Variants in CEP128 observed in about 807,000 individuals in gnomAD.
The protein encoded by CEP128 is centrosomal protein 128kDa.
In CEP128, 132 loss-of-function variants were observed where a neutral mutation model predicts 156.7. The observed-to-expected ratio is 0.84, with a 90% confidence interval of 0.73 to 0.97. The LOEUF is 0.97. Among genes scored for constraint, CEP128 ranks in the 50% least tolerant of loss-of-function variants. The pLI, the probability that CEP128 is intolerant of heterozygous loss-of-function variation, is 0.00. For missense variants in CEP128, 1,252 were observed against 1,281.9 expected (o/e 0.98, Z 0.36); for synonymous variants, 469 against 448.9 (o/e 1.04, Z -0.57).
intron 19 of CEP128, among the ~76,000 whole-genome samples, chr14:80,595,468 C>T (rs1892273690): frequency 6.6e-6 from 1 of 151,708 alleles, no homozygotes; most frequent in African/African-American, 2.4e-5. Context: ...ATTTAAAGTA[C>T]AATTAAAAAA....
intron 6 of CEP128, among the ~76,000 whole-genome samples, chr14:80,904,084 A>G (rs887373832): frequency 1.3e-5 from 2 of 152,194 alleles, no homozygotes; most frequent in African/African-American, 2.4e-5. Flanking sequence ...ATCGGCAAAC[A>G]ACCTAAGTGT....
intron 6 of CEP128, among the ~76,000 whole-genome samples, chr14:80,901,357 C>CTT (rs1353626050): frequency 3.3e-5 from 5 of 152,238 alleles, no homozygotes; most frequent in Non-Finnish European, 7.4e-5. Context: ...AATAAAACTA[C>CTT]GTTAAACAGA....
chr14:80,743,221 C>A lies in CEP128; in HGVS notation c.2660G>T (p.Arg887Ile), dbSNP rs751894085. 6.2e-7 allele frequency: 1 copy of A among 1,613,558 alleles called. No homozygotes were observed. The highest frequency in any genetic ancestry group is 2.2e-5 in the East Asian group (1 of 44,864). Residue 887 changes from arginine to isoleucine, a missense_variant, in exon 19 of 25, where the codon AGA becomes ATA. Transcript: ENST00000555265. ...LCEELKERENREKNLRHQLML... is the reference protein window; with the variant it reads ...LCEELKERENIEKNLRHQLML... ...CAGCTGGTGTCGCAGATTTTTCTCT[C>A]TGTTTTCTCTCTCTTTCAGTTCCTC...
chr14:80,513,237 T>A (rs1888339364), intron 23 of CEP128, among the ~76,000 whole-genome samples: 1 of 152,160 alleles, frequency 6.6e-6, no homozygotes, highest in African/African-American at 2.4e-5. Flanking sequence ...ATATTTTTCC[T>A]GGATACACTA....
intron 23 of CEP128, among the ~76,000 whole-genome samples, chr14:80,525,213 C>T (rs1430495700): frequency 6.6e-6 from 1 of 152,114 alleles, no homozygotes; most frequent in Admixed American, 6.6e-5. Flanking sequence ...ATTATTCCTG[C>T]ATTTGGTGAC....
intron 8 of CEP128, among the ~76,000 whole-genome samples, chr14:80,878,817 A>G (rs1248569687): frequency 6.6e-6 from 1 of 152,142 alleles, no homozygotes; most frequent in East Asian, 1.9e-4. Flanking sequence ...CCCAGGTGCT[A>G]CAAGTTTCAG....
chr14:80,780,107 T>A (rs1003895958), intron 15 of CEP128, among the ~76,000 whole-genome samples: 1 of 152,036 alleles, frequency 6.6e-6, no homozygotes, highest in Admixed American at 6.6e-5. Context: ...TAAAAATAGG[T>A]ATGAGAGGGG....
intron 8 of CEP128, among the ~76,000 whole-genome samples, chr14:80,887,420 C>G (rs549481825): frequency 1.3e-5 from 2 of 152,146 alleles, no homozygotes; most frequent in Non-Finnish European, 2.9e-5. Flanking sequence ...GAAATCATAA[C>G]AAACAGTCTC....
chr14:80,705,281 CTT>C (rs1491225762), intron 19 of CEP128, among the ~76,000 whole-genome samples: 2 of 147,022 alleles, frequency 1.4e-5, no homozygotes, highest in Admixed American at 6.8e-5. Flanking sequence ...TTTTATTCCA[CTT>C]GTGTGTGTGT....
At chr14:80,951,906 G>T (rs576561134) in intron 2 of CEP128, among the ~76,000 whole-genome samples, 1 of 151,954 alleles carries the variant, frequency 6.6e-6, no homozygotes, top group Non-Finnish European at 1.5e-5. Context: ...TATAAAGAAG[G>T]CCATTTAATA....
At chr14:80,671,359 T>C (rs1895833406) in intron 19 of CEP128, among the ~76,000 whole-genome samples, 1 of 152,146 alleles carries the variant, frequency 6.6e-6, no homozygotes, top group South Asian at 2.1e-4. Flanking sequence ...CCTTGGATTG[T>C]AGGTAAGATA....
intron 21 of CEP128, among the ~76,000 whole-genome samples, chr14:80,539,448 T>C (rs1029371820): frequency 5.3e-5 from 8 of 152,194 alleles, no homozygotes; most frequent in African/African-American, 1.9e-4. Context: ...TTCAAGGACA[T>C]TTATCAGTTC....
intron 19 of CEP128, among the ~76,000 whole-genome samples, chr14:80,645,154 T>A (rs1405090349): frequency 3.3e-5 from 5 of 152,146 alleles, no homozygotes; most frequent in Non-Finnish European, 7.4e-5. Context: ...TAACTAAATA[T>A]AATATATAAT....
chr14:80,735,944 G>A (rs1006961948), intron 19 of CEP128, among the ~76,000 whole-genome samples: 3 of 152,038 alleles, frequency 2.0e-5, no homozygotes, highest in Non-Finnish European at 4.4e-5. Flanking sequence ...AGATAATACA[G>A]GATAATCTCA....
chr14:80,887,935 G>T (rs1249788288), intron 8 of CEP128, among the ~76,000 whole-genome samples: 1 of 152,082 alleles, frequency 6.6e-6, no homozygotes, highest in East Asian at 1.9e-4. Flanking sequence ...AATAAGAAAT[G>T]ATAAAAGGGG....
At chr14:80,946,392 G>GCATCATGATGATGCCTCATGATGCATC (rs1886345772), upstream of CEP128, among the ~76,000 whole-genome samples, 2 of 144,238 alleles carry the variant, frequency 1.4e-5, no homozygotes, top group African/African-American at 2.6e-5. Context: ...GCCTCATGAT[G>GCATCATGATGATGCCTCATGATGCATC]ATTTCCCTTT....
intron 19 of CEP128, among the ~76,000 whole-genome samples, chr14:80,582,999 T>C (rs891239751): frequency 1.1e-4 from 16 of 152,208 alleles, no homozygotes; most frequent in Non-Finnish European, 1.5e-4. Flanking sequence ...ACTCCTTAGA[T>C]AAAACTTACT....
chr14:80,564,995 G>A lies in CEP128; in HGVS notation c.2857-5693C>T, dbSNP rs1056027842. 9.2e-5 allele frequency among the ~76,000 whole-genome samples: 14 copies of A among 152,234 alleles called. No individual in the cohort carries two copies. In the East Asian group the frequency reaches 2.7e-3, roughly 29 times the overall value. The stretch of plus-strand genomic sequence containing the variant: ...AATCCCTTGAACCCAGGAGGTGGAG[G>A]TTGCAGTGAGTCGAGATCACACCAT... On this transcript the variant is annotated intron_variant, in intron 20 of 24. Transcript: ENST00000555265.
chr14:80,907,809 A>G (rs1031222234), intron 4 of CEP128, among the ~76,000 whole-genome samples: 3 of 152,188 alleles, frequency 2.0e-5, no homozygotes, highest in Non-Finnish European at 4.4e-5. Context: ...ACAAAGTAGT[A>G]TATCAGTAAT....
Sources: allele counts gnomAD v4.1 joint callset (sites outside exome capture counted in the v4.1 genomes callset), GRCh38; gene constraint gnomAD v4.1.1; transcripts MANE v1.5; gene names NCBI Gene and HGNC (gene_info 2026-07-23, HGNC 2026-07-21).